The following ANXA6 variants were observed in gnomAD, a reference collection of about 807,000 sequenced individuals.
ANXA6 encodes the protein 67 kDa calelectrin.
ANXA6 carries 71 observed loss-of-function variants against 95.4 expected under a neutral mutation model. That is an observed-to-expected ratio of 0.74 (90% CI 0.61 to 0.91). The LOEUF is 0.91. ANXA6 is among the 40% of genes least tolerant of loss of function. The probability of loss-of-function intolerance (pLI) is 0.00; values close to 1 mark genes in which losing one functional copy is unlikely to be tolerated. For missense variants in ANXA6, 830 were observed against 876.4 expected (o/e 0.95, Z 0.67); for synonymous variants, 289 against 315.9 (o/e 0.91, Z 0.90).
At chr5:151,143,261 A>C (rs1256877290) in intron 2 of ANXA6, among the ~76,000 whole-genome samples, 24 of 152,184 alleles carry the variant, frequency 1.6e-4, no homozygotes, top group Admixed American at 1.6e-3. Context: ...TGGAGATAAG[A>C]AGGGACAACC....
intron 12 of ANXA6, among the ~76,000 whole-genome samples, chr5:151,128,524 G>A (rs751616237): frequency 6.6e-6 from 1 of 152,216 alleles, no homozygotes. Context: ...GCGGAGTTGA[G>A]AAGAGATGCT....
chr5:151,155,106 T>C (rs533920044), intron 1 of ANXA6: 2 of 152,286 alleles, frequency 1.3e-5, no homozygotes, highest in African/African-American at 4.8e-5. Context: ...CATTTGTCAT[T>C]ATTATTTCTT....
At chr5:151,126,561 C>G (rs1561575718) in intron 13 of ANXA6, 81 bp from the exon 14 acceptor site, 6 of 1,000,836 alleles carry the variant, frequency 6.0e-6, no homozygotes, top group Non-Finnish European at 9.2e-6. Context: ...CACACACACA[C>G]ACACACACAC....
intron 10 of ANXA6, among the ~76,000 whole-genome samples, chr5:151,131,671 C>T (rs1299222461): frequency 6.6e-6 from 1 of 152,158 alleles, no homozygotes; most frequent in Admixed American, 6.5e-5. Context: ...GTGAATCCCA[C>T]TGAATCACCG....
chr5:151,153,661 T>C (rs978428064), intron 1 of ANXA6, among the ~76,000 whole-genome samples: 8 of 152,218 alleles, frequency 5.3e-5, no homozygotes, highest in Admixed American at 3.9e-4. Flanking sequence ...TACAGGTCAG[T>C]AAGTTGCAAA....
chr5:151,141,587 C>CCGTCTCCGTGCCTCCCAA, intron 2 of ANXA6: 7 of 985,544 alleles, frequency 7.1e-6, no homozygotes, highest in Non-Finnish European at 8.4e-6. Context: ...CCCCCTCTCC[C>CCGTCTCCGTGCCTCCCAA]CGTCTCCGTG....
chr5:151,146,314 G>C (rs549040189), intron 2 of ANXA6, among the ~76,000 whole-genome samples: 1 of 152,188 alleles, frequency 6.6e-6, no homozygotes, highest in African/African-American at 2.4e-5. Context: ...GGGGAACAGT[G>C]AAAGTTCCAC....
At chr5:151,119,902 CAG>C (rs1381499629) in intron 17 of ANXA6, among the ~76,000 whole-genome samples, 4 of 152,078 alleles carry the variant, frequency 2.6e-5, no homozygotes, top group South Asian at 2.1e-4. Context: ...TCTTTTGAGA[CAG>C]AGTCTTGCTC....
At chr5:151,118,262 T>A (rs1372284134) in intron 18 of ANXA6, among the ~76,000 whole-genome samples, 1 of 62,728 alleles carries the variant, frequency 1.6e-5, no homozygotes, top group Non-Finnish European at 3.4e-5. Flanking sequence ...AAATGTAAAC[T>A]TTTTTTTTTT....
intron 15 of ANXA6, 128 bp downstream of exon 15, chr5:151,124,158 G>A (rs1765246872): frequency 1.3e-6 from 1 of 795,258 alleles, no homozygotes; most frequent in Non-Finnish European, 2.1e-6. Flanking sequence ...GTGGAAACTT[G>A]AGATCAAGCC....
intron 1 of ANXA6, among the ~76,000 whole-genome samples, chr5:151,157,259 C>A (rs1766260816): frequency 6.6e-6 from 1 of 152,246 alleles, no homozygotes; most frequent in South Asian, 2.1e-4. Context: ...CTCTTGCTCT[C>A]AGTCTTGGGC....
chr5:151,108,218 G>A (rs1764752510), intron 23 of ANXA6, among the ~76,000 whole-genome samples: 1 of 151,908 alleles, frequency 6.6e-6, no homozygotes, highest in Admixed American at 6.6e-5. Flanking sequence ...TCCCCTGCCT[G>A]CCCCAGTCTT....
intron 4 of ANXA6, 83 bp from the exon 5 acceptor site, chr5:151,138,874 T>G (rs3213804): frequency 0.26 from 241,879 of 940,136 alleles, 35,824 homozygotes; most frequent in East Asian, 0.52. Context: ...AATGAGCACT[T>G]ACTCTGGCAG....
At chr5:151,106,064 C>T (rs1037876083) in intron 23 of ANXA6, among the ~76,000 whole-genome samples, 4 of 152,096 alleles carry the variant, frequency 2.6e-5, no homozygotes, top group East Asian at 1.9e-4. Context: ...AATGACTGTC[C>T]GTTGGTAAAA....
intron 18 of ANXA6, 45 bp from the exon 19 acceptor site, chr5:151,117,882 AT>A: frequency 3.2e-6 from 5 of 1,552,196 alleles, no homozygotes; most frequent in Non-Finnish European, 4.4e-6. Context: ...GCCAAGAAGG[AT>A]TTGGTTGCGG....
chr5:151,129,602 G>A, intron 11 of ANXA6, 73 bp from the exon 12 acceptor site: 1 of 1,482,276 alleles, frequency 6.7e-7, no homozygotes, highest in Non-Finnish European at 9.0e-7. Context: ...CAGCTTAGTT[G>A]AAAATCCTAT....
Position 151,129,516 on chromosome 5 carries a change from C to A in ANXA6, c.809G>T (p.Arg270Leu). 1 of 1,604,692 alleles carries A rather than the reference C, an allele frequency of 6.2e-7. No homozygotes were observed. Among genetic ancestry groups the A allele is most frequent in the East Asian group, 2.2e-5 (1 of 44,532 alleles). The change falls in exon 12 of 26, where the codon CGG (arginine) becomes CTG (leucine). Residue 270 changes from arginine to leucine, a missense_variant. Arg to Leu is a moderately radical substitution (Grantham distance 102). Coordinates refer to ENST00000354546, the MANE Select transcript of ANXA6 (RefSeq NM_001155.5). Reference protein sequence around the residue: ...LFKAMKGLGTRDNTLIRIMVS... With the variant: ...LFKAMKGLGTLDNTLIRIMVS... ...CATGATGCGGATCAGGGTGTTGTCC[C>A]GAGTCCCCAGGCCCTGCAAGACAAG... is the stretch of plus-strand genomic sequence containing the variant.
At chr5:151,132,345 T>C (rs759865337) in intron 10 of ANXA6, 131 bp downstream of exon 10, 15 of 739,754 alleles carry the variant, frequency 2.0e-5, no homozygotes, top group Non-Finnish European at 3.0e-5. Context: ...CCTTTAGAAT[T>C]CACGGCCCAC....
chr5:151,122,858 G>T, intron 16 of ANXA6, 59 bp downstream of exon 16: 1 of 1,490,602 alleles, frequency 6.7e-7, no homozygotes, highest in Non-Finnish European at 9.3e-7. Context: ...GGGACAGGCT[G>T]AGCTCAATCA....
Sources: gnomAD v4.1 joint callset for allele counts (sites outside exome capture counted in the v4.1 genomes callset) on GRCh38, gnomAD v4.1.1 for gene constraint, MANE v1.5 for transcripts, NCBI Gene and HGNC (gene_info 2026-07-23, HGNC 2026-07-21) for gene names.